The following SHISA9 variants were observed in gnomAD, a reference collection of about 807,000 sequenced individuals.
SHISA9 encodes shisa family member 9, also known as protein shisa-9.
Under a neutral mutation model 38.0 loss-of-function variants are expected in SHISA9, and 13 were observed. The ratio of observed to expected loss-of-function variants is 0.34; its 90% CI spans 0.22 to 0.54. The LOEUF is 0.54. SHISA9 is among the 20% of genes least tolerant of loss of function. The pLI is 0.91. For synonymous variants in SHISA9, 275 were observed against 242.0 expected, an observed-to-expected ratio of 1.14 and a Z score of -1.27; for missense variants, 538 against 575.8, an observed-to-expected ratio of 0.93 and a Z score of 0.67.
intron 2 of SHISA9, among the ~76,000 whole-genome samples, chr16:13,192,989 C>T (rs538813520): frequency 1.4e-4 from 21 of 152,130 alleles, no homozygotes; most frequent in Admixed American, 9.2e-4. Flanking sequence ...GAAGAAGAAA[C>T]AAAAAAGCAT....
At chr16:13,140,123 TC>T (rs2050387428) in intron 2 of SHISA9, among the ~76,000 whole-genome samples, 7 of 45,178 alleles carry the variant, frequency 1.5e-4, no homozygotes, top group African/African-American at 6.5e-4. Context: ...TCCCTTCCCT[TC>T]CCTTCCCTTC....
At chr16:13,146,060 TG>T (rs1250813498) in intron 2 of SHISA9, among the ~76,000 whole-genome samples, 1 of 152,204 alleles carries the variant, frequency 6.6e-6, no homozygotes, top group Non-Finnish European at 1.5e-5. Context: ...TGGTGGTGTG[TG>T]CCTGTGGTCC....
chr16:13,078,169 T>C (rs1283717380), intron 2 of SHISA9, among the ~76,000 whole-genome samples: 1 of 152,186 alleles, frequency 6.6e-6, no homozygotes, highest in Admixed American at 6.5e-5. Flanking sequence ...AGTTGCCTCT[T>C]AGTATCCGCA....
At chr16:13,316,259 A>G in the SHISA9 span, among the ~76,000 whole-genome samples, 1 of 152,006 alleles carries the variant, frequency 6.6e-6, no homozygotes, top group Non-Finnish European at 1.5e-5. Flanking sequence ...AACTATTGCA[A>G]AAGTTTCCTG....
At chr16:13,355,436 G>T in the SHISA9 span, among the ~76,000 whole-genome samples, 1 of 151,816 alleles carries the variant, frequency 6.6e-6, no homozygotes, top group Non-Finnish European at 1.5e-5. Flanking sequence ...ACAAGAGGAG[G>T]ACGCAAAGGA....
intron 4 of SHISA9, among the ~76,000 whole-genome samples, chr16:13,219,814 T>C (rs2142072504): frequency 6.6e-6 from 1 of 152,200 alleles, no homozygotes; most frequent in South Asian, 2.1e-4. Flanking sequence ...AAAAATTAGC[T>C]GGGCATGATA....
intron 2 of SHISA9, among the ~76,000 whole-genome samples, chr16:12,931,981 CT>C (rs2071467606): frequency 6.6e-6 from 1 of 152,148 alleles, no homozygotes; most frequent in African/African-American, 2.4e-5. Context: ...GCAAGTTTTT[CT>C]CATGCTGTTC....
intron 2 of SHISA9, among the ~76,000 whole-genome samples, chr16:13,066,932 G>T (rs565445565): frequency 3.3e-5 from 5 of 152,300 alleles, no homozygotes; most frequent in African/African-American, 1.2e-4. Flanking sequence ...TCTGCTTTTA[G>T]GTCACAGTCT....
the SHISA9 span, among the ~76,000 whole-genome samples, chr16:13,295,014 C>T: frequency 6.6e-6 from 1 of 151,970 alleles, no homozygotes; most frequent in Non-Finnish European, 1.5e-5. Context: ...ATTATTATTG[C>T]CATTTTACAG....
intron 2 of SHISA9, among the ~76,000 whole-genome samples, chr16:13,173,567 C>T (rs1292573729): frequency 6.6e-6 from 1 of 152,120 alleles, no homozygotes; most frequent in Non-Finnish European, 1.5e-5. Flanking sequence ...TTGCTCCCCA[C>T]CCCTATTTGG....
chr16:13,475,794 C>T, the SHISA9 span, among the ~76,000 whole-genome samples: 1 of 152,132 alleles, frequency 6.6e-6, no homozygotes, highest in Non-Finnish European at 1.5e-5. Flanking sequence ...CCCATATGGT[C>T]ACGATGGGAG....
At chr16:13,493,164 G>A in the SHISA9 span, among the ~76,000 whole-genome samples, 3 of 151,962 alleles carry the variant, frequency 2.0e-5, no homozygotes, top group Non-Finnish European at 4.4e-5. Flanking sequence ...AATGAGCTGA[G>A]ATAATGCATA....
the SHISA9 span, among the ~76,000 whole-genome samples, chr16:13,266,994 C>A: frequency 6.6e-6 from 1 of 152,018 alleles, no homozygotes; most frequent in African/African-American, 2.4e-5. Context: ...AAAATAATCA[C>A]CAGGACAAAA....
chr16:13,142,392 T>A (rs1269187024), intron 2 of SHISA9, among the ~76,000 whole-genome samples: 1 of 152,230 alleles, frequency 6.6e-6, no homozygotes, highest in Non-Finnish European at 1.5e-5. Context: ...TTTTGCAGTT[T>A]CTGAGTTTTT....
chr16:13,394,947 GTGTGTGTGTGT>G, the SHISA9 span, among the ~76,000 whole-genome samples: 11 of 150,852 alleles, frequency 7.3e-5, no homozygotes, highest in African/African-American at 2.7e-4. Flanking sequence ...GTGTGTGTGT[GTGTGTGTGTGT>G]GTGTGTGTGT....
chr16:12,940,774 T>G (rs1761242182), intron 2 of SHISA9, among the ~76,000 whole-genome samples: 1 of 152,202 alleles, frequency 6.6e-6, no homozygotes, highest in African/African-American at 2.4e-5. Context: ...TTTCTAATGG[T>G]GTAACCTCGG....
At chr16:13,018,119 G>T (rs1379278806) in intron 2 of SHISA9, among the ~76,000 whole-genome samples, 1 of 152,208 alleles carries the variant, frequency 6.6e-6, no homozygotes, top group Admixed American at 6.5e-5. Context: ...GGTGACTTCT[G>T]GAGCCTTGAC....
chr16:13,518,634 C>G, the SHISA9 span, among the ~76,000 whole-genome samples: 1 of 152,180 alleles, frequency 6.6e-6, no homozygotes, highest in South Asian at 2.1e-4. Flanking sequence ...TTCTTCCTCT[C>G]TCTCCCCAGG....
intron 1 of SHISA9, among the ~76,000 whole-genome samples, chr16:12,907,904 C>T (rs1416345836): frequency 2.0e-5 from 3 of 152,206 alleles, no homozygotes; most frequent in Non-Finnish European, 4.4e-5. Context: ...ACCACCTCCA[C>T]CCAATTCACT....
Sources: gnomAD v4.1 joint callset for allele counts (sites outside exome capture counted in the v4.1 genomes callset) on GRCh38, gnomAD v4.1.1 for gene constraint, MANE v1.5 for transcripts, NCBI Gene and HGNC (gene_info 2026-07-23, HGNC 2026-07-21) for gene names.